The following SYN3 variants were observed in gnomAD, a reference collection of about 807,000 sequenced individuals.
SYN3 encodes the protein synapsin-3.
A neutral mutation model predicts 65.8 loss-of-function variants in SYN3; 35 were observed. The observed-to-expected ratio is 0.53, with a 90% CI of 0.41 to 0.70. The LOEUF (loss-of-function observed/expected upper bound fraction) is 0.70. SYN3 is among the 30% of genes least tolerant of loss of function. The pLI, the probability that SYN3 is intolerant of heterozygous loss-of-function variation, is 0.00. For missense variants in SYN3, 680 were observed against 749.0 expected (o/e 0.91, Z 1.08); for synonymous variants, 270 against 292.9 (o/e 0.92, Z 0.80).
chr22:32,773,490 C>T (rs2045828791), intron 6 of SYN3, among the ~76,000 whole-genome samples: 1 of 150,432 alleles, frequency 6.6e-6, no homozygotes, highest in African/African-American at 2.4e-5. Flanking sequence ...TGGCTGGGGA[C>T]AAAGATCTGA....
At chr22:32,587,324 G>C (rs910251934) in intron 7 of SYN3, among the ~76,000 whole-genome samples, 1 of 151,832 alleles carries the variant, frequency 6.6e-6, no homozygotes, top group African/African-American at 2.4e-5. Flanking sequence ...CATAGGGAGG[G>C]AGGTGGGATT....
chr22:32,911,895 C>T (rs2050061537), intron 4 of SYN3, among the ~76,000 whole-genome samples: 1 of 152,148 alleles, frequency 6.6e-6, no homozygotes, highest in African/African-American at 2.4e-5. Context: ...AAGAAGGTGG[C>T]ATGGTGTAGT....
intron 3 of SYN3, among the ~76,000 whole-genome samples, chr22:32,949,457 T>C (rs77467160): frequency 0.014 from 2,157 of 152,104 alleles, 50 homozygotes; most frequent in African/African-American, 0.049. Context: ...TTCTGGATTT[T>C]GGATTTTCGG....
intron 7 of SYN3, among the ~76,000 whole-genome samples, chr22:32,569,401 A>ATCTG (rs930637080): frequency 7.9e-5 from 2 of 25,388 alleles, no homozygotes; most frequent in African/African-American, 3.9e-4. Context: ...TCCATCCAAA[A>ATCTG]TCTATCTATC....
At chr22:32,928,881 T>G (rs2050550695) in intron 4 of SYN3, among the ~76,000 whole-genome samples, 1 of 152,252 alleles carries the variant, frequency 6.6e-6, no homozygotes, top group Admixed American at 6.5e-5. Context: ...TCTCTTCAGC[T>G]GTACCTTTCA....
At chr22:32,760,814 T>A (rs1178533897) in intron 6 of SYN3, among the ~76,000 whole-genome samples, 1 of 152,176 alleles carries the variant, frequency 6.6e-6, no homozygotes, top group Non-Finnish European at 1.5e-5. Context: ...AATGGATAGA[T>A]TTTTAGCAGG....
chr22:32,595,403 T>C (rs1032385489), intron 7 of SYN3, among the ~76,000 whole-genome samples: 2 of 152,190 alleles, frequency 1.3e-5, no homozygotes, highest in Non-Finnish European at 2.9e-5. Flanking sequence ...TCTTGGTAGA[T>C]TCCTACCAAG....
intron 3 of SYN3, among the ~76,000 whole-genome samples, chr22:32,971,325 G>GA (rs2052012693): frequency 6.6e-6 from 1 of 151,992 alleles, no homozygotes; most frequent in Non-Finnish European, 1.5e-5. Context: ...TCTTAGATTT[G>GA]AAAAGAAAAA....
intron 3 of SYN3, among the ~76,000 whole-genome samples, chr22:32,975,797 T>G (rs947535461): frequency 3.3e-5 from 5 of 152,244 alleles, no homozygotes; most frequent in Admixed American, 6.5e-5. Context: ...TGGCAAGCCA[T>G]TAGATTTCTC....
chr22:32,516,353 T>A (rs1462239595), intron 13 of SYN3, among the ~76,000 whole-genome samples: 1 of 146,064 alleles, frequency 6.8e-6, no homozygotes, highest in Non-Finnish European at 1.5e-5. Flanking sequence ...TTTGATTTAT[T>A]TATTTATTTA....
chr22:33,046,609 G>A (rs911304178), intron 1 of SYN3, among the ~76,000 whole-genome samples: 8 of 152,026 alleles, frequency 5.3e-5, no homozygotes, highest in African/African-American at 1.7e-4. Flanking sequence ...TTGGGAGGCC[G>A]AGGCAGGTGG....
intron 1 of SYN3, among the ~76,000 whole-genome samples, chr22:33,033,477 A>G (rs1011241867): frequency 1.3e-5 from 2 of 151,852 alleles, no homozygotes; most frequent in Non-Finnish European, 2.9e-5. Context: ...CTCACCCTTA[A>G]CTACGCACTT....
chr22:33,001,823 T>C (rs919483352), intron 2 of SYN3, among the ~76,000 whole-genome samples: 5 of 152,206 alleles, frequency 3.3e-5, no homozygotes, highest in African/African-American at 1.2e-4. Context: ...AGAGATGGAA[T>C]TTCAACCCAG....
Position 32,556,803 on chromosome 22 carries a change from G to GTTTTTTTTTTTTTTTTTTTTTT in SYN3, c.775-15091_775-15090insAAAAAAAAAAAAAAAAAAAAAA, listed in dbSNP as rs1491135400. On this transcript the variant is annotated intron_variant, in intron 7 of 13. Transcript: ENST00000358763. Reference sequence around the variant, plus strand: ...CAATGACCCAATCTATAGGTTTCCTGGTTTTTTTTTTTTTTTTTTTTTTTT... The same window carrying GTTTTTTTTTTTTTTTTTTTTTT: ...CAATGACCCAATCTATAGGTTTCCTGTTTTTTTTTTTTTTTTTTTTTTGTTTTTTTTTTTTTTTTTTTTTTTT... Among the ~76,000 whole-genome samples the GTTTTTTTTTTTTTTTTTTTTTT allele has an allele frequency of 5.4e-4, 19 of 35,262 alleles. 7 individuals carry two copies. The highest frequency in any genetic ancestry group is 7.8e-4 in the Non-Finnish European group (14 of 17,888). 23.1% of individuals were successfully genotyped at this position (35,262 alleles called of 152,430 possible).
intron 7 of SYN3, among the ~76,000 whole-genome samples, chr22:32,556,003 C>T (rs751419090): frequency 6.6e-5 from 10 of 152,078 alleles, no homozygotes; most frequent in Non-Finnish European, 7.4e-5. Context: ...AATCAATTCC[C>T]GAGCTCATCA....
At chr22:32,914,727 C>T (rs1198130121) in intron 4 of SYN3, among the ~76,000 whole-genome samples, 4 of 152,098 alleles carry the variant, frequency 2.6e-5, no homozygotes, top group African/African-American at 9.7e-5. Context: ...CAGACGTGAA[C>T]CACCATGCCT....
chr22:32,971,102 T>C (rs2052006150), intron 3 of SYN3, among the ~76,000 whole-genome samples: 1 of 152,236 alleles, frequency 6.6e-6, no homozygotes, highest in African/African-American at 2.4e-5. Context: ...ATAGTAAATG[T>C]TCAATAAACT....
chr22:32,536,101 C>A (rs2058160567), intron 9 of SYN3, among the ~76,000 whole-genome samples: 1 of 152,214 alleles, frequency 6.6e-6, no homozygotes, highest in Non-Finnish European at 1.5e-5. Flanking sequence ...GGATAGGTGG[C>A]CTGCTGGGGA....
At chr22:32,765,597 G>A (rs139016769) in intron 6 of SYN3, among the ~76,000 whole-genome samples, 26 of 152,272 alleles carry the variant, frequency 1.7e-4, no homozygotes, top group African/African-American at 5.8e-4. Context: ...GCATAGCAAG[G>A]AGGGTTCGCC....
Sources: gnomAD v4.1 joint callset for allele counts (sites outside exome capture counted in the v4.1 genomes callset) on GRCh38, gnomAD v4.1.1 for gene constraint, MANE v1.5 for transcripts, NCBI Gene and HGNC (gene_info 2026-07-23, HGNC 2026-07-21) for gene names.